The following NCOA2 variants were observed in gnomAD, a reference collection of about 807,000 sequenced individuals.
The protein encoded by NCOA2 is class E basic helix-loop-helix protein 75.
A neutral mutation model predicts 145.1 loss-of-function variants in NCOA2; 21 were observed. The ratio of observed to expected loss-of-function variants is 0.14; its 90% CI spans 0.10 to 0.21. NCOA2 has a LOEUF of 0.21. NCOA2 is among the 10% of genes least tolerant of loss of function. The pLI is 1.00. For synonymous variants in NCOA2, 619 were observed against 637.5 expected (o/e 0.97, Z 0.44); for missense variants, 1,472 against 1,837.6 (o/e 0.80, Z 3.64).
chr8:70,307,567 A>G (rs1426881500), intron 1 of NCOA2, among the ~76,000 whole-genome samples: 2 of 152,254 alleles, frequency 1.3e-5, no homozygotes, highest in African/African-American at 4.8e-5. Flanking sequence ...TATATAACTG[A>G]TAACTTATTG....
chr8:70,204,391 T>C (rs1272550857), intron 4 of NCOA2, among the ~76,000 whole-genome samples: 2 of 152,198 alleles, frequency 1.3e-5, no homozygotes, highest in African/African-American at 2.4e-5. Flanking sequence ...CAGCTATGCT[T>C]ATCAGAATCT....
intron 2 of NCOA2, among the ~76,000 whole-genome samples, chr8:70,290,127 T>C (rs1360218766): frequency 2.0e-5 from 3 of 152,164 alleles, no homozygotes; most frequent in South Asian, 2.1e-4. Flanking sequence ...TCTTTAATCT[T>C]TGTAGATGAG....
At chr8:70,385,932 A>G (rs1033469340) in intron 1 of NCOA2, among the ~76,000 whole-genome samples, 1 of 152,218 alleles carries the variant, frequency 6.6e-6, no homozygotes. Context: ...TGTGGTACAC[A>G]AAACACACAT....
intron 4 of NCOA2, among the ~76,000 whole-genome samples, chr8:70,197,531 A>G (rs1271993390): frequency 1.3e-5 from 2 of 152,254 alleles, no homozygotes; most frequent in African/African-American, 2.4e-5. Flanking sequence ...CGACAGGGAC[A>G]GTGCTTTACA....
chr8:70,407,702 C>A (rs556050295), upstream of NCOA2, among the ~76,000 whole-genome samples: 1 of 152,006 alleles, frequency 6.6e-6, no homozygotes, highest in African/African-American at 2.4e-5. Context: ...GAGGCTGAGG[C>A]AGGAGAATTG....
At chr8:70,302,957 C>G (rs549403690) in intron 1 of NCOA2, among the ~76,000 whole-genome samples, 1 of 152,156 alleles carries the variant, frequency 6.6e-6, no homozygotes, top group Non-Finnish European at 1.5e-5. Flanking sequence ...ATCACACTCA[C>G]GGATCTCATT....
At chr8:70,265,008 C>T (rs1311678029) in intron 2 of NCOA2, among the ~76,000 whole-genome samples, 1 of 151,986 alleles carries the variant, frequency 6.6e-6, no homozygotes, top group Non-Finnish European at 1.5e-5. Flanking sequence ...ATAGCACTTA[C>T]CTCTAAGAAA....
intron 14 of NCOA2, among the ~76,000 whole-genome samples, chr8:70,139,644 CTTTT>C (rs911504754): frequency 2.2e-5 from 2 of 91,860 alleles, no homozygotes; most frequent in African/African-American, 5.1e-5. Flanking sequence ...CGCTGGCCAT[CTTTT>C]TTTTTTTTTT....
chr8:70,276,735 C>G (rs1230995573), intron 2 of NCOA2, among the ~76,000 whole-genome samples: 1 of 152,160 alleles, frequency 6.6e-6, no homozygotes, highest in Non-Finnish European at 1.5e-5. Context: ...TCAATTAAAC[C>G]TCTTTCCTTT....
chr8:70,439,085 C>T, the NCOA2 span, among the ~76,000 whole-genome samples: 2 of 152,294 alleles, frequency 1.3e-5, no homozygotes, highest in South Asian at 4.1e-4. Context: ...TGTATAGGTC[C>T]TATAATATCC....
At chr8:70,428,247 A>G in the NCOA2 span, among the ~76,000 whole-genome samples, 2 of 151,718 alleles carry the variant, frequency 1.3e-5, no homozygotes, top group Non-Finnish European at 2.9e-5. Flanking sequence ...TGAGTTCAGG[A>G]GTTTGACACC....
At chr8:70,220,133 G>A (rs141930830) in intron 2 of NCOA2, among the ~76,000 whole-genome samples, 33 of 152,258 alleles carry the variant, frequency 2.2e-4, no homozygotes, top group African/African-American at 7.2e-4. Flanking sequence ...CATTTCCAGT[G>A]TAAAGGTAGG....
intron 2 of NCOA2, among the ~76,000 whole-genome samples, chr8:70,296,375 T>C (rs1194576941): frequency 2.0e-5 from 3 of 152,184 alleles, no homozygotes; most frequent in Non-Finnish European, 2.9e-5. Flanking sequence ...TCTTTTATGC[T>C]AGTTTGCTAA....
chr8:70,307,220 C>CAAAAAAA (rs57161747), intron 1 of NCOA2, among the ~76,000 whole-genome samples: 475 of 71,330 alleles, frequency 6.7e-3, no homozygotes, highest in East Asian at 0.012. Flanking sequence ...CCTACATAAG[C>CAAAAAAA]AAAAAAAAAA....
In NCOA2 at chr8:70,113,523, C is replaced by T. The variant is rs1488206479; in HGVS notation, c.*109G>A. On this transcript the variant is annotated 3_prime_UTR_variant, in exon 23 of 23. Transcript: ENST00000452400. ...GCCAGGCCTGTCTGCTCTAGCAGAA[C>T]CGGCTGGCAGGTCAGTTGGGTTGAA... is the stretch of plus-strand genomic sequence containing the variant. 7.6e-7 allele frequency: 1 copy of T among 1,309,008 alleles called. No individual in the cohort carries two copies. Among genetic ancestry groups the T allele is most frequent in the Non-Finnish European group, 1.1e-6 (1 of 929,926 alleles). 81.1% of individuals were successfully genotyped at this position (1,309,008 alleles called of 1,614,324 possible).
chr8:70,220,059 T>C (rs1370117472), intron 2 of NCOA2, among the ~76,000 whole-genome samples: 4 of 152,234 alleles, frequency 2.6e-5, no homozygotes, highest in Non-Finnish European at 5.9e-5. Flanking sequence ...TAGAGAAATA[T>C]CTAAAATAAA....
intron 1 of NCOA2, among the ~76,000 whole-genome samples, chr8:70,393,761 T>C (rs1402858124): frequency 6.6e-6 from 1 of 152,216 alleles, no homozygotes; most frequent in Non-Finnish European, 1.5e-5. Flanking sequence ...AAATGTGTTT[T>C]CTTAAAGTGA....
At chr8:70,402,981 GC>G (rs1323843880) in intron 1 of NCOA2, among the ~76,000 whole-genome samples, 1 of 111,486 alleles carries the variant, frequency 9.0e-6, no homozygotes, top group African/African-American at 3.4e-5. Flanking sequence ...GGCGCCCCTC[GC>G]CCCCCACCCC....
chr8:70,134,221 A>G (rs1466899175), intron 15 of NCOA2, among the ~76,000 whole-genome samples: 1 of 152,236 alleles, frequency 6.6e-6, no homozygotes, highest in East Asian at 1.9e-4. Flanking sequence ...GGGAGGAAGA[A>G]GCAGATGCAG....
Sources: allele counts gnomAD v4.1 joint callset (sites outside exome capture counted in the v4.1 genomes callset), GRCh38; gene constraint gnomAD v4.1.1; transcripts MANE v1.5; gene names NCBI Gene and HGNC (gene_info 2026-07-23, HGNC 2026-07-21).